ARHGAP15: variants seen among roughly 807,000 people sequenced by gnomAD.
The protein encoded by ARHGAP15 is rho GTPase-activating protein 15.
Under a neutral mutation model 63.7 loss-of-function variants are expected in ARHGAP15, and 51 were observed. The ratio of observed to expected loss-of-function variants is 0.80; its 90% CI spans 0.64 to 1.01. The LOEUF is 1.01. Among genes scored for constraint, ARHGAP15 ranks in the 50% least tolerant of loss-of-function variants. The pLI is 0.00. For missense variants in ARHGAP15, 560 were observed against 564.6 expected, an observed-to-expected ratio of 0.99 and a Z score of 0.08; for synonymous variants, 191 against 193.8, an observed-to-expected ratio of 0.99 and a Z score of 0.12.
At chr2:143,289,888 C>T (rs1241928348) in intron 6 of ARHGAP15, among the ~76,000 whole-genome samples, 1 of 152,126 alleles carries the variant, frequency 6.6e-6, no homozygotes, top group Non-Finnish European at 1.5e-5. Flanking sequence ...CACGTGAAAC[C>T]TAACAACTAG....
chr2:143,496,598 T>C (rs571003044), intron 9 of ARHGAP15, among the ~76,000 whole-genome samples: 1 of 152,346 alleles, frequency 6.6e-6, no homozygotes, highest in Admixed American at 6.5e-5. Context: ...ATTTCTGGTA[T>C]GTAACTCACT....
intron 1 of ARHGAP15, among the ~76,000 whole-genome samples, chr2:143,153,777 A>ATCTTCTTCTTCT (rs1175995548): frequency 1.5e-4 from 13 of 85,250 alleles, no homozygotes; most frequent in African/African-American, 4.7e-4. Flanking sequence ...TATATAATAA[A>ATCTTCTTCTTCT]TCTTCTTCTT....
At chr2:143,717,550 AAAT>A (rs1234779015) in intron 13 of ARHGAP15, among the ~76,000 whole-genome samples, 1 of 152,248 alleles carries the variant, frequency 6.6e-6, no homozygotes, top group Non-Finnish European at 1.5e-5. Flanking sequence ...AGGTTATTTT[AAAT>A]AATATTTCTT....
chr2:143,510,165 G>C (rs901636682), intron 9 of ARHGAP15, among the ~76,000 whole-genome samples: 6 of 151,664 alleles, frequency 4.0e-5, no homozygotes, highest in Non-Finnish European at 7.4e-5. Context: ...TTAAATTGCT[G>C]AAATCACCCA....
intron 10 of ARHGAP15, among the ~76,000 whole-genome samples, chr2:143,545,138 C>A (rs1459527603): frequency 6.6e-6 from 1 of 152,130 alleles, no homozygotes; most frequent in Non-Finnish European, 1.5e-5. Flanking sequence ...AATATTTTGT[C>A]TTGGTGCCTG....
intron 6 of ARHGAP15, among the ~76,000 whole-genome samples, chr2:143,396,243 A>T (rs1463144141): frequency 1.3e-5 from 2 of 152,132 alleles, no homozygotes; most frequent in East Asian, 3.8e-4. Context: ...CAACAGAAAG[A>T]AACTAAACAT....
At chr2:143,495,404 C>A (rs1692771686) in intron 9 of ARHGAP15, among the ~76,000 whole-genome samples, 1 of 152,106 alleles carries the variant, frequency 6.6e-6, no homozygotes, top group Non-Finnish European at 1.5e-5. Context: ...GCTTATATTT[C>A]TCTTTTTGGT....
At chr2:143,274,572 T>A (rs1409595101) in intron 6 of ARHGAP15, among the ~76,000 whole-genome samples, 1 of 152,228 alleles carries the variant, frequency 6.6e-6, no homozygotes, top group South Asian at 2.1e-4. Flanking sequence ...AGCCTTGTTA[T>A]CAGGTTGTAT....
intron 6 of ARHGAP15, among the ~76,000 whole-genome samples, chr2:143,258,681 T>C (rs1476196672): frequency 6.6e-6 from 1 of 152,090 alleles, no homozygotes; most frequent in African/African-American, 2.4e-5. Flanking sequence ...ATGGTTGATG[T>C]TGGGGAGAAA....
chr2:143,475,809 C>G (rs943108668), intron 8 of ARHGAP15, among the ~76,000 whole-genome samples: 1 of 152,234 alleles, frequency 6.6e-6, no homozygotes, highest in African/African-American at 2.4e-5. Flanking sequence ...CTAGAACATT[C>G]AAGTAAACTT....
intron 4 of ARHGAP15, 45 bp downstream of exon 4, chr2:143,216,490 T>C (rs767038023): frequency 7.2e-7 from 1 of 1,393,254 alleles, no homozygotes; most frequent in South Asian, 1.2e-5. Context: ...ATGCTGGTTC[T>C]TCATATGCTA....
At chr2:143,155,342 C>T in intron 1 of ARHGAP15, 135 bp from the exon 2 acceptor site, 1 of 793,192 alleles carries the variant, frequency 1.3e-6, no homozygotes, top group Non-Finnish European at 1.9e-6. Context: ...CTACTTTTTT[C>T]TTCACTAGTC....
intron 12 of ARHGAP15, among the ~76,000 whole-genome samples, chr2:143,662,355 CCTGT>C (rs1471177348): frequency 5.4e-5 from 8 of 147,154 alleles, no homozygotes; most frequent in South Asian, 2.3e-4. Flanking sequence ...AGCTGAGGGT[CCTGT>C]CTGTTAGAAG....
chr2:143,493,721 T>C (rs945118071), intron 9 of ARHGAP15, among the ~76,000 whole-genome samples: 3 of 152,236 alleles, frequency 2.0e-5, no homozygotes, highest in African/African-American at 7.2e-5. Context: ...TCCAGCTGAT[T>C]GCCCTGTGAT....
At chr2:143,443,459 C>T (rs1242507988) in intron 8 of ARHGAP15, among the ~76,000 whole-genome samples, 4 of 150,840 alleles carry the variant, frequency 2.7e-5, no homozygotes, top group Admixed American at 6.6e-5. Flanking sequence ...AAATAACTAG[C>T]GCCACTCTGG....
intron 6 of ARHGAP15, among the ~76,000 whole-genome samples, chr2:143,339,704 G>A (rs1044341997): frequency 2.6e-5 from 4 of 151,926 alleles, no homozygotes; most frequent in East Asian, 1.9e-4. Context: ...GCTTCTCCAC[G>A]GTGCCTATGG....
At chr2:143,596,079 TGTTG>T (rs2105180529) in intron 11 of ARHGAP15, among the ~76,000 whole-genome samples, 1 of 152,266 alleles carries the variant, frequency 6.6e-6, no homozygotes, top group Non-Finnish European at 1.5e-5. Flanking sequence ...ATGGAGATGG[TGTTG>T]GTTCTATTCT....
chr2:143,768,249 T>C lies in ARHGAP15; in HGVS notation c.*77T>C. Reference sequence around the variant, plus strand: ...TTTTACATTTCTGTAAACATATTTCTGAAATATTTTTTGCCTTTCAAGCGA... The same window carrying C: ...TTTTACATTTCTGTAAACATATTTCCGAAATATTTTTTGCCTTTCAAGCGA... On this transcript the variant is annotated 3_prime_UTR_variant, in exon 14 of 14. Transcript: ENST00000295095. 2 of 1,433,628 alleles carry C rather than the reference T, an allele frequency of 1.4e-6. No homozygotes were observed. The highest frequency in any genetic ancestry group is 1.4e-5 in the South Asian group (1 of 69,738). 88.8% of individuals were successfully genotyped at this position (1,433,628 alleles called of 1,614,324 possible). A position where few individuals can be genotyped will look rare whatever the true frequency, so the allele number is the denominator to read the frequency against.
chr2:143,572,428 C>T (rs999024276), intron 11 of ARHGAP15, among the ~76,000 whole-genome samples: 28 of 152,146 alleles, frequency 1.8e-4, no homozygotes, highest in Non-Finnish European at 5.9e-5. Flanking sequence ...CTCCCTTTCC[C>T]TTGCCCTGTT....
Sources: gnomAD v4.1 joint callset for allele counts (sites outside exome capture counted in the v4.1 genomes callset) on GRCh38, gnomAD v4.1.1 for gene constraint, MANE v1.5 for transcripts, NCBI Gene and HGNC (gene_info 2026-07-23, HGNC 2026-07-21) for gene names.